Variants in USH2A observed in about 807,000 individuals in gnomAD.
The protein encoded by USH2A is Usher syndrome 2A (autosomal recessive, mild).
USH2A carries 443 observed loss-of-function variants against 538.9 expected under a neutral mutation model. The ratio of observed to expected loss-of-function variants is 0.82; its 90% CI spans 0.76 to 0.89. The LOEUF is 0.89. USH2A is among the 40% of genes least tolerant of loss of function. The pLI, the probability that USH2A is intolerant of heterozygous loss-of-function variation, is 0.00. For missense variants in USH2A, 6,633 were observed against 6,324.8 expected (o/e 1.05, Z -1.65); for synonymous variants, 2,413 against 2,273.5 (o/e 1.06, Z -1.75).
chr1:216,335,968 A>G (rs2037966087), intron 4 of USH2A, among the ~76,000 whole-genome samples: 1 of 151,594 alleles, frequency 6.6e-6, no homozygotes, highest in African/African-American at 2.4e-5. Flanking sequence ...AAAGACATCA[A>G]AAGAAAACTA....
At chr1:215,962,568 C>A (rs1227763971) in intron 37 of USH2A, among the ~76,000 whole-genome samples, 1 of 151,730 alleles carries the variant, frequency 6.6e-6, no homozygotes, top group Non-Finnish European at 1.5e-5. Context: ...ATAATGTGTA[C>A]CACTTGGTAT....
chr1:216,122,856 C>T (rs616523), intron 21 of USH2A, among the ~76,000 whole-genome samples: 72,595 of 151,908 alleles, frequency 0.48, 17,774 homozygotes, highest in African/African-American at 0.52. Flanking sequence ...TATTGCTATA[C>T]AATTAAACTA....
intron 58 of USH2A, among the ~76,000 whole-genome samples, chr1:215,747,468 C>T (rs1222557549): frequency 6.6e-6 from 1 of 152,044 alleles, no homozygotes; most frequent in East Asian, 1.9e-4. Flanking sequence ...AACAAGACTG[C>T]AATAATTAAA....
At chr1:216,099,220 C>G (rs1383141718) in intron 21 of USH2A, among the ~76,000 whole-genome samples, 1 of 152,106 alleles carries the variant, frequency 6.6e-6, no homozygotes, top group Non-Finnish European at 1.5e-5. Context: ...TTTTATTTCT[C>G]ATTGTTACAC....
chr1:216,016,008 T>G (rs10864223), intron 32 of USH2A, among the ~76,000 whole-genome samples: 1 of 151,976 alleles, frequency 6.6e-6, no homozygotes, highest in African/African-American at 2.4e-5. Flanking sequence ...GAATACTATG[T>G]AGCCATAAAA....
At chr1:216,253,273 G>T (rs1238021910) in intron 11 of USH2A, among the ~76,000 whole-genome samples, 1 of 151,640 alleles carries the variant, frequency 6.6e-6, no homozygotes, top group African/African-American at 2.4e-5. Flanking sequence ...CCGCCTCCCA[G>T]GTTCAAGTGA....
chr1:216,100,902 A>G (rs1193442781), intron 21 of USH2A, among the ~76,000 whole-genome samples: 3 of 152,242 alleles, frequency 2.0e-5, no homozygotes, highest in African/African-American at 7.2e-5. Flanking sequence ...CTTATATGAG[A>G]AAATGCACTG....
chr1:216,388,378 G>A (rs955942), intron 3 of USH2A, among the ~76,000 whole-genome samples: 87,706 of 149,300 alleles, frequency 0.59, 26,673 homozygotes, highest in East Asian at 0.8. Context: ...CCCATGAATT[G>A]CATATGTTTT....
chr1:216,323,553 C>T lies in USH2A; in HGVS notation c.1471G>A (p.Gly491Arg). 2 of 1,613,350 alleles carry T rather than the reference C, an allele frequency of 1.2e-6. No individual in the cohort carries two copies. Among genetic ancestry groups the T allele is most frequent in the South Asian group, 1.1e-5 (1 of 91,064 alleles). Residue 491 changes from glycine (G) to arginine (R), a missense_variant, in exon 8 of 72, where the codon GGG (glycine) becomes AGG (arginine). Gly to Arg is a moderately radical substitution (Grantham distance 125). Transcript: ENST00000307340. ...KATQIRFHFH[G>R]QYYTTETAVN... ...GCAGTCTCAGTTGTATAGTACTGCC[C>T]ATGAAAATGAAACCTTATTTGCGTG...
In USH2A at chr1:216,182,338, T is replaced by C. The variant is rs2034510595; in HGVS notation, c.4397-6856A>G. Among the ~76,000 whole-genome samples the C allele has an allele frequency of 2.0e-5, 3 of 152,064 alleles. No homozygotes were observed. In the South Asian group the frequency reaches 6.2e-4, roughly 31 times the overall value. ...GCTTGGTTGTGTTGTTTTAATGACTTATAGGATACATAGTATATTATGAAG... is the reference window on the plus strand; with the variant it reads ...GCTTGGTTGTGTTGTTTTAATGACTCATAGGATACATAGTATATTATGAAG... On this transcript the variant is annotated intron_variant, in intron 20 of 71. Transcript: ENST00000307340.
chr1:215,967,718 T>C (rs1667386311), intron 36 of USH2A, among the ~76,000 whole-genome samples: 1 of 149,970 alleles, frequency 6.7e-6, no homozygotes, highest in Non-Finnish European at 1.5e-5. Flanking sequence ...GATTTAGATG[T>C]CTTAAATAAC....
intron 61 of USH2A, among the ~76,000 whole-genome samples, chr1:215,703,852 C>T (rs535178274): frequency 7.8e-6 from 1 of 127,488 alleles, no homozygotes; most frequent in African/African-American, 2.7e-5. Flanking sequence ...CCAGGTGCCA[C>T]TGGGGTATGG....
At chr1:215,901,130 A>C in intron 38 of USH2A, 1 of 563,682 alleles carries the variant, frequency 1.8e-6, no homozygotes, top group Non-Finnish European at 3.2e-6. Context: ...CGGCCCCCAA[A>C]CAGCAAGACA....
chr1:215,846,051 A>G lies in USH2A; in HGVS notation c.8846-18T>C. 6.2e-7 allele frequency: 1 copy of G among 1,611,962 alleles called. No homozygotes were observed. The highest frequency in any genetic ancestry group is 8.5e-7 in the Non-Finnish European group (1 of 1,178,498). On this transcript the variant is annotated intron_variant, in intron 44 of 71. Coordinates refer to ENST00000307340, the MANE Select transcript of USH2A (RefSeq NM_206933.4). ...TTGAACAGCTGTCAACAATAAATGC[A>G]GGACATGGTGAATGTAGCTGAGGCT...
chr1:216,301,202 G>T (rs1325245407), intron 9 of USH2A, among the ~76,000 whole-genome samples: 1 of 151,994 alleles, frequency 6.6e-6, no homozygotes, highest in Non-Finnish European at 1.5e-5. Flanking sequence ...ATGTATCTTT[G>T]AAAAAAGAAG....
chr1:215,823,952 G>A (rs1458400561), intron 47 of USH2A, among the ~76,000 whole-genome samples: 1 of 151,802 alleles, frequency 6.6e-6, no homozygotes, highest in Non-Finnish European at 1.5e-5. Flanking sequence ...TACTATCTTG[G>A]TGATCATGAG....
At chr1:216,364,152 T>A (rs1006195181) in intron 4 of USH2A, among the ~76,000 whole-genome samples, 1 of 151,854 alleles carries the variant, frequency 6.6e-6, no homozygotes, top group African/African-American at 2.4e-5. Flanking sequence ...TTTTATTCAA[T>A]ATATAGTATA....
intron 68 of USH2A, among the ~76,000 whole-genome samples, chr1:215,639,763 TTTCCCAAA>T (rs1656615473): frequency 6.6e-6 from 1 of 152,176 alleles, no homozygotes; most frequent in African/African-American, 2.4e-5. Context: ...GCCACCTTCC[TTTCCCAAA>T]GAGCTGCCCA....
chr1:216,014,235 G>C (rs532164490), intron 32 of USH2A, among the ~76,000 whole-genome samples: 30 of 152,204 alleles, frequency 2.0e-4, no homozygotes, highest in African/African-American at 6.5e-4. Flanking sequence ...GGTTGGGCGT[G>C]GGGGGAAGGA....
Sources: allele counts gnomAD v4.1 joint callset (sites outside exome capture counted in the v4.1 genomes callset), GRCh38; gene constraint gnomAD v4.1.1; transcripts MANE v1.5; gene names NCBI Gene and HGNC (gene_info 2026-07-23, HGNC 2026-07-21).